Variants in ZNF609 observed in about 807,000 individuals in gnomAD.
ZNF609 encodes the protein zinc finger protein 609.
ZNF609 carries 11 observed loss-of-function variants against 109.5 expected under a neutral mutation model. The observed-to-expected ratio is 0.10, with a 90% CI of 0.06 to 0.17. The LOEUF (loss-of-function observed/expected upper bound fraction) is 0.17. Ranked by LOEUF, ZNF609 falls within the 10% of genes least tolerant of loss-of-function variation. ZNF609 has a pLI of 1.00. For synonymous variants in ZNF609, 646 were observed against 662.0 expected (o/e 0.98, Z 0.37); for missense variants, 1,559 against 1,772.4 (o/e 0.88, Z 2.16).
chr15:64,622,952 A>G lies in ZNF609; in HGVS notation c.873A>G (p.Thr291=), dbSNP rs776056259. ...MVRTRSVGVN[T]CDVALATEPE... is the part of the protein sequence containing the mutation. Reference sequence around the variant, plus strand: ...GTACCCGATCAGTTGGGGTCAACACATGTGATGTGGCTCTGGCCACAGAGC... The same window carrying G: ...GTACCCGATCAGTTGGGGTCAACACGTGTGATGTGGCTCTGGCCACAGAGC... Residue 291 remains threonine (T), a synonymous_variant, in exon 3 of 10, where the codon ACA becomes ACG. Coordinates refer to ENST00000326648, the MANE Select transcript of ZNF609 (RefSeq NM_015042.2). 2.5e-6 allele frequency: 4 copies of G among 1,614,120 alleles called. No homozygotes were observed. Among genetic ancestry groups the G allele is most frequent in the Admixed American group, 3.3e-5 (2 of 60,002 alleles).
In ZNF609 at chr15:64,674,197, T is replaced by C. The variant is rs775597340; in HGVS notation, c.1343T>C (p.Met448Thr). The C allele has an allele frequency of 3.7e-6, 6 of 1,614,176 alleles. No homozygotes were observed. Among genetic ancestry groups the C allele is most frequent in the Non-Finnish European group, 5.1e-6 (6 of 1,180,022 alleles). The change falls in exon 5 of 10, where the codon ATG becomes ACG. Residue 448 changes from methionine to threonine, a missense_variant. Physicochemically the swap from Met to Thr is moderately conservative, Grantham distance 81. Transcript: ENST00000326648. ...NKRKNKPLSDMELNSSSEDSK... is the reference protein window; with the variant it reads ...NKRKNKPLSDTELNSSSEDSK... ...CGGAAAAACAAACCCCTTTCAGACA[T>C]GGAGCTGAATTCTAGCTCAGAGGAC...
At chr15:64,594,082 C>T (rs981537915) in intron 2 of ZNF609, among the ~76,000 whole-genome samples, 6 of 152,076 alleles carry the variant, frequency 3.9e-5, no homozygotes. Flanking sequence ...AGAAATATTC[C>T]ATCAGCAGTT....
At chr15:64,526,250 T>C (rs919200346) in intron 2 of ZNF609, among the ~76,000 whole-genome samples, 3 of 152,152 alleles carry the variant, frequency 2.0e-5, no homozygotes, top group African/African-American at 7.2e-5. Context: ...ATTTGGATTA[T>C]TCATTGCTAG....
chr15:64,678,616 G>C, intron 6 of ZNF609, 134 bp downstream of exon 6: 1 of 1,272,042 alleles, frequency 7.9e-7, no homozygotes, highest in Non-Finnish European at 1.1e-6. Flanking sequence ...TTTTCACTGA[G>C]TCATTCTGTG....
intron 2 of ZNF609, among the ~76,000 whole-genome samples, chr15:64,565,271 G>T (rs1005973601): frequency 2.3e-5 from 1 of 43,048 alleles, no homozygotes; most frequent in Non-Finnish European, 5.1e-5. Flanking sequence ...AGTAGAGACG[G>T]AGTTTCACCA....
intron 2 of ZNF609, chr15:64,529,800 G>A (rs906020105): frequency 1.1e-5 from 5 of 456,974 alleles, no homozygotes; most frequent in African/African-American, 2.0e-5. Flanking sequence ...GTGCAACCTC[G>A]GCTCACCACA....
intron 2 of ZNF609, among the ~76,000 whole-genome samples, chr15:64,621,335 T>G (rs1046630397): frequency 3.9e-5 from 6 of 152,026 alleles, no homozygotes; most frequent in African/African-American, 1.5e-4. Flanking sequence ...AAAGGATCAC[T>G]GCCCACTTCA....
chr15:64,462,769 G>C (rs1045197863), intron 1 of ZNF609, among the ~76,000 whole-genome samples: 1 of 152,182 alleles, frequency 6.6e-6, no homozygotes, highest in Non-Finnish European at 1.5e-5. Context: ...AAGGACATGA[G>C]TTGCTCATTG....
intron 2 of ZNF609, among the ~76,000 whole-genome samples, chr15:64,589,441 T>C (rs1221770898): frequency 1.3e-5 from 2 of 152,216 alleles, no homozygotes; most frequent in Admixed American, 6.5e-5. Context: ...ATGCTTCTTA[T>C]ATATTTCCTT....
In ZNF609 at chr15:64,529,510, C is replaced by T. The variant is rs556427757; in HGVS notation, c.747+29344C>T. On this transcript the variant is annotated intron_variant, in intron 2 of 9. Coordinates refer to ENST00000326648, the MANE Select transcript of ZNF609 (RefSeq NM_015042.2). ...AGCCTTGACGGTGCCATGGAATTTG[C>T]CATGTGTAGAATCATACAGGAACAT... 37 of 1,141,860 alleles carry T rather than the reference C, an allele frequency of 3.2e-5. 1 individual carries two copies. The South Asian group carries it at 4.3e-4, about 13-fold the overall frequency. 70.7% of individuals were successfully genotyped at this position (1,141,860 alleles called of 1,614,324 possible).
At chr15:64,637,538 C>T (rs969741791) in intron 3 of ZNF609, among the ~76,000 whole-genome samples, 28 of 152,144 alleles carry the variant, frequency 1.8e-4, no homozygotes, top group African/African-American at 6.0e-4. Context: ...TGTGTTCTAG[C>T]CAACACTTGA....
intron 3 of ZNF609, among the ~76,000 whole-genome samples, chr15:64,637,319 G>C (rs928307034): frequency 6.6e-6 from 1 of 152,148 alleles, no homozygotes; most frequent in African/African-American, 2.4e-5. Flanking sequence ...TTTGCAGTTT[G>C]AGGCTGTTAT....
At chr15:64,644,621 A>C (rs1376520929) in intron 3 of ZNF609, among the ~76,000 whole-genome samples, 1 of 152,256 alleles carries the variant, frequency 6.6e-6, no homozygotes. Context: ...CTGAGGGTTC[A>C]ACTGTAAATT....
intron 3 of ZNF609, among the ~76,000 whole-genome samples, chr15:64,647,573 CTT>C (rs781587724): frequency 1.5e-4 from 23 of 152,078 alleles, no homozygotes; most frequent in South Asian, 4.2e-4. Flanking sequence ...TCGTAATCTT[CTT>C]TGTTTAGAGA....
intron 1 of ZNF609, among the ~76,000 whole-genome samples, chr15:64,478,566 CAG>C (rs750832808): frequency 1.3e-5 from 2 of 151,956 alleles, no homozygotes; most frequent in Non-Finnish European, 2.9e-5. Context: ...TTAGTAGAGA[CAG>C]GGTTTCACCA....
At chr15:64,572,384 TTGGGAGGCTGAGG>T (rs1230559238) in intron 2 of ZNF609, among the ~76,000 whole-genome samples, 1 of 151,326 alleles carries the variant, frequency 6.6e-6, no homozygotes, top group East Asian at 2.0e-4. Flanking sequence ...TCCCAGGTAC[TTGGGAGGCTGAGG>T]TGGGAGGATC....
chr15:64,555,316 G>A (rs1277704549), intron 2 of ZNF609, among the ~76,000 whole-genome samples: 1 of 151,768 alleles, frequency 6.6e-6, no homozygotes, highest in Non-Finnish European at 1.5e-5. Flanking sequence ...GTAGTGAGCC[G>A]AGATCACGCC....
chr15:64,605,357 A>C (rs956299167), intron 2 of ZNF609, among the ~76,000 whole-genome samples: 3 of 152,190 alleles, frequency 2.0e-5, no homozygotes, highest in African/African-American at 7.2e-5. Flanking sequence ...CCCCTGCTAG[A>C]AGAAGGGAGG....
intron 3 of ZNF609, among the ~76,000 whole-genome samples, chr15:64,640,166 C>T (rs147885890): frequency 5.6e-4 from 84 of 150,210 alleles, no homozygotes; most frequent in African/African-American, 2.0e-3. Context: ...CATGAGCCAC[C>T]GTGCCTGGCC....
Sources: allele counts gnomAD v4.1 joint callset (sites outside exome capture counted in the v4.1 genomes callset), GRCh38; gene constraint gnomAD v4.1.1; transcripts MANE v1.5; gene names NCBI Gene and HGNC (gene_info 2026-07-23, HGNC 2026-07-21).